GPR158: variants seen among roughly 807,000 people sequenced by gnomAD.
GPR158 encodes metabotropic glycine receptor.
GPR158 carries 30 observed loss-of-function variants against 78.2 expected under a neutral mutation model. The observed-to-expected ratio is 0.38, with a 90% CI of 0.29 to 0.52. The LOEUF (loss-of-function observed/expected upper bound fraction) is 0.52. GPR158 is among the 20% of genes least tolerant of loss of function. GPR158 has a pLI of 0.83. For missense variants in GPR158, 1,463 were observed against 1,523.5 expected, an observed-to-expected ratio of 0.96 and a Z score of 0.66; for synonymous variants, 581 against 591.1, an observed-to-expected ratio of 0.98 and a Z score of 0.25.
intron 2 of GPR158, among the ~76,000 whole-genome samples, chr10:25,298,695 C>A (rs59521850): frequency 0.19 from 28,451 of 152,032 alleles, 4,766 homozygotes; most frequent in African/African-American, 0.45. Context: ...CTGTGTACTT[C>A]TCAGCAGTTT....
intron 2 of GPR158, among the ~76,000 whole-genome samples, chr10:25,296,118 C>CA (rs1380058175): frequency 1.3e-5 from 2 of 150,992 alleles, no homozygotes; most frequent in Non-Finnish European, 2.9e-5. Flanking sequence ...AGCCTGGTTG[C>CA]AGGGGATACC....
chr10:25,573,596 T>G (rs908699169), intron 7 of GPR158, among the ~76,000 whole-genome samples: 2 of 152,234 alleles, frequency 1.3e-5, no homozygotes, highest in Non-Finnish European at 2.9e-5. Context: ...TTGCTCATAT[T>G]AGTCTATTTT....
chr10:25,307,471 C>T (rs554053179), intron 2 of GPR158, among the ~76,000 whole-genome samples: 1 of 150,678 alleles, frequency 6.6e-6, no homozygotes, highest in Non-Finnish European at 1.5e-5. Context: ...GCAGTGTTGC[C>T]CTCCTGGGGT....
At chr10:25,224,271 A>G (rs1314931809) in intron 2 of GPR158, among the ~76,000 whole-genome samples, 5 of 151,998 alleles carry the variant, frequency 3.3e-5, no homozygotes, top group Non-Finnish European at 7.4e-5. Flanking sequence ...TTGAAGTGTA[A>G]AAAAACCATT....
intron 9 of GPR158, among the ~76,000 whole-genome samples, chr10:25,595,918 G>A (rs971614152): frequency 8.5e-5 from 13 of 152,162 alleles, no homozygotes; most frequent in Non-Finnish European, 1.9e-4. Flanking sequence ...AAAAGAGAAT[G>A]TTAAAATATT....
chr10:25,331,122 T>C (rs1005367660), intron 2 of GPR158, among the ~76,000 whole-genome samples: 3 of 152,064 alleles, frequency 2.0e-5, no homozygotes, highest in Admixed American at 2.0e-4. Flanking sequence ...TATATTTTTG[T>C]AGAGACAGAG....
At chr10:25,492,034 C>G (rs542946321) in intron 5 of GPR158, among the ~76,000 whole-genome samples, 6 of 152,100 alleles carry the variant, frequency 3.9e-5, no homozygotes, top group Non-Finnish European at 8.8e-5. Flanking sequence ...AGCTTGGTGC[C>G]ATCATCTGTT....
At chr10:25,243,210 G>T (rs759397955) in intron 2 of GPR158, among the ~76,000 whole-genome samples, 1 of 151,962 alleles carries the variant, frequency 6.6e-6, no homozygotes, top group Non-Finnish European at 1.5e-5. Flanking sequence ...CTCTTTACTT[G>T]TTGTGTTCAT....
chr10:25,331,167 T>C lies in GPR158; in HGVS notation c.1009-64744T>C, dbSNP rs187205141. The stretch of plus-strand genomic sequence containing the variant: ...GTTGCCCAGGCAGGTGTCAAACTCC[T>C]GGCCTCAACTAATCCTCCAGCCTCA... On this transcript the variant is annotated intron_variant, in intron 2 of 10. Transcript: ENST00000376351. Among the ~76,000 whole-genome samples, 731 of 152,316 alleles carry C rather than the reference T, an allele frequency of 4.8e-3. 9 individuals are homozygous for C. The highest frequency in any genetic ancestry group is 0.016 in the African/African-American group (676 of 41,572).
At chr10:25,226,689 T>G (rs573194869) in intron 2 of GPR158, among the ~76,000 whole-genome samples, 43 of 152,298 alleles carry the variant, frequency 2.8e-4, no homozygotes, top group Non-Finnish European at 1.9e-4. Flanking sequence ...GGTTATTTAA[T>G]ATAAAGTCAC....
At chr10:25,293,351 G>A (rs967724653) in intron 2 of GPR158, among the ~76,000 whole-genome samples, 2 of 152,200 alleles carry the variant, frequency 1.3e-5, no homozygotes, top group African/African-American at 4.8e-5. Flanking sequence ...CACTTACATA[G>A]TAGGTATGGT....
At position 25,187,158 on chromosome 10, in the gene GPR158, G is replaced by A. The variant is rs182929683; in HGVS notation, c.902+10836G>A. On this transcript the variant is annotated intron_variant, in intron 1 of 10. Transcript: ENST00000376351. ...TTTTTTGTATTTTTAATAGAGACAG[G>A]GTTTCACTGTGTTAGCCAGGATGGT... Among the ~76,000 whole-genome samples the A allele has an allele frequency of 2.0e-3, 310 of 151,778 alleles. 1 individual carries two copies. The highest frequency in any genetic ancestry group is 6.7e-3 in the African/African-American group (279 of 41,388).
At position 25,524,040 on chromosome 10, in the gene GPR158, C is replaced by G. The variant is rs1205104015; in HGVS notation, c.1405-26936C>G. On this transcript the variant is annotated intron_variant, in intron 5 of 10. Transcript: ENST00000376351. ...TTAATTTTCTTATACCAGCAATGAA[C>G]AATCCTAAAATGAAATTAATGAAAC... Among the ~76,000 whole-genome samples, 3 of 151,682 alleles carry G rather than the reference C, an allele frequency of 2.0e-5. No homozygotes were observed. The East Asian group carries it at 5.8e-4, about 29-fold the overall frequency.
chr10:25,405,822 AG>A (rs1292650157), intron 3 of GPR158, among the ~76,000 whole-genome samples: 1 of 152,064 alleles, frequency 6.6e-6, no homozygotes, highest in African/African-American at 2.4e-5. Context: ...AACTACTTCT[AG>A]GAAGTAAATT....
intron 4 of GPR158, among the ~76,000 whole-genome samples, chr10:25,445,691 A>C (rs1835130655): frequency 6.6e-6 from 1 of 152,058 alleles, no homozygotes; most frequent in Admixed American, 6.6e-5. Context: ...ATTTCCAAAG[A>C]CCATAGGAAG....
chr10:25,573,336 T>C (rs1837039183), intron 7 of GPR158, among the ~76,000 whole-genome samples: 1 of 152,240 alleles, frequency 6.6e-6, no homozygotes, highest in African/African-American at 2.4e-5. Context: ...GTAAAAATAT[T>C]GTCTCTGCAA....
chr10:25,580,900 A>ATTTTT (rs1452302358), intron 7 of GPR158, among the ~76,000 whole-genome samples: 3 of 138,354 alleles, frequency 2.2e-5, no homozygotes, highest in African/African-American at 8.9e-5. Context: ...TAATTTTTTT[A>ATTTTT]TTTTTTTATT....
rs577119729 is a variant in GPR158 at position 25,290,997 on chromosome 10, A to G, written c.1008+69840A>G. On this transcript the variant is annotated intron_variant, in intron 2 of 10. Transcript: ENST00000376351. ...CATAGACAAAAGTAAAAAATAATACAATCTCATGCAATTATCTTAATATTT... is the reference window on the plus strand; with the variant it reads ...CATAGACAAAAGTAAAAAATAATACGATCTCATGCAATTATCTTAATATTT... 1.2e-4 allele frequency among the ~76,000 whole-genome samples: 19 copies of G among 152,204 alleles called. No homozygotes were observed. In the South Asian group the frequency reaches 1.5e-3, roughly 12 times the overall value.
intron 3 of GPR158, among the ~76,000 whole-genome samples, chr10:25,401,590 CT>C (rs933231341): frequency 1.3e-5 from 2 of 152,130 alleles, no homozygotes; most frequent in Non-Finnish European, 2.9e-5. Flanking sequence ...ATTTATTAGA[CT>C]TTTCCTCTTA....
Sources: gnomAD v4.1 joint callset for allele counts (sites outside exome capture counted in the v4.1 genomes callset) on GRCh38, gnomAD v4.1.1 for gene constraint, MANE v1.5 for transcripts, NCBI Gene and HGNC (gene_info 2026-07-23, HGNC 2026-07-21) for gene names.